The following VTI1A variants were observed in gnomAD, a reference collection of about 807,000 sequenced individuals.
VTI1A encodes vesicle transport through interaction with t-SNAREs homolog 1A.
In VTI1A, 22 loss-of-function variants were observed where a neutral mutation model predicts 34.9. That is an observed-to-expected ratio of 0.63 (90% CI 0.45 to 0.90). The LOEUF (loss-of-function observed/expected upper bound fraction) is 0.90, where lower values mean the gene tolerates loss of function less well. Among genes scored for constraint, VTI1A ranks in the 40% least tolerant of loss-of-function variants. The pLI, the probability that VTI1A is intolerant of heterozygous loss-of-function variation, is 0.00. For missense variants in VTI1A, 268 were observed against 275.6 expected (o/e 0.97, Z 0.20); for synonymous variants, 87 against 97.3 (o/e 0.89, Z 0.62).
At chr10:112,707,166 A>G (rs1849228808) in intron 7 of VTI1A, among the ~76,000 whole-genome samples, 1 of 151,862 alleles carries the variant, frequency 6.6e-6, no homozygotes, top group South Asian at 2.1e-4. Flanking sequence ...GAGGGGTTGT[A>G]TTTGTTTTTT....
intron 3 of VTI1A, among the ~76,000 whole-genome samples, chr10:112,512,066 T>C (rs1407065017): frequency 6.6e-6 from 1 of 152,170 alleles, no homozygotes; most frequent in Non-Finnish European, 1.5e-5. Flanking sequence ...TTCTTTTCCT[T>C]TGGGTAGATA....
At chr10:112,548,863 C>G in intron 5 of VTI1A, 2 of 1,418,386 alleles carry the variant, frequency 1.4e-6, no homozygotes, top group African/African-American at 1.4e-5. Flanking sequence ...TTTACCGGAA[C>G]GGTGATCAAT....
intron 4 of VTI1A, among the ~76,000 whole-genome samples, chr10:112,536,107 TA>T (rs1417778702): frequency 6.6e-6 from 1 of 152,238 alleles, no homozygotes; most frequent in Non-Finnish European, 1.5e-5. Flanking sequence ...TTTCCTACAT[TA>T]AATATTATTA....
chr10:112,593,565 G>A (rs147241913), intron 5 of VTI1A, among the ~76,000 whole-genome samples: 3 of 152,120 alleles, frequency 2.0e-5, no homozygotes, highest in Non-Finnish European at 4.4e-5. Context: ...TTTTCATATG[G>A]AAAGTTTAGG....
At chr10:112,712,474 TCACACACA>T (rs60129148) in intron 7 of VTI1A, among the ~76,000 whole-genome samples, 37 of 143,400 alleles carry the variant, frequency 2.6e-4, no homozygotes, top group South Asian at 7.0e-4. Flanking sequence ...TCAACTATTA[TCACACACA>T]CACACACACA....
intron 7 of VTI1A, among the ~76,000 whole-genome samples, chr10:112,733,290 A>G (rs1438055573): frequency 6.6e-6 from 1 of 152,132 alleles, no homozygotes; most frequent in Non-Finnish European, 1.5e-5. Context: ...TATAGCATGC[A>G]GTATATTTAC....
At chr10:112,750,638 G>A (rs1851068328) in intron 7 of VTI1A, among the ~76,000 whole-genome samples, 1 of 152,150 alleles carries the variant, frequency 6.6e-6, no homozygotes, top group South Asian at 2.1e-4. Flanking sequence ...TACTCCTACA[G>A]CCCAAACTAC....
intron 1 of VTI1A, among the ~76,000 whole-genome samples, chr10:112,457,241 A>G (rs1287203757): frequency 1.3e-5 from 2 of 152,212 alleles, no homozygotes; most frequent in African/African-American, 2.4e-5. Flanking sequence ...ATTAAATGGG[A>G]GAGGGGGCAG....
intron 7 of VTI1A, among the ~76,000 whole-genome samples, chr10:112,736,111 G>GTGTGTATA (rs778802494): frequency 2.6e-5 from 3 of 116,198 alleles, no homozygotes; most frequent in African/African-American, 1.1e-4. Flanking sequence ...ATGTGTGTGT[G>GTGTGTATA]TATATATATA....
chr10:112,703,977 T>G (rs1849104262), intron 7 of VTI1A, among the ~76,000 whole-genome samples: 1 of 152,258 alleles, frequency 6.6e-6, no homozygotes, highest in African/African-American at 2.4e-5. Context: ...TAATGTATTT[T>G]TTGATATATG....
chr10:112,488,231 A>G (rs900969978), intron 3 of VTI1A, among the ~76,000 whole-genome samples: 34 of 152,216 alleles, frequency 2.2e-4, no homozygotes, highest in Non-Finnish European at 4.4e-4. Context: ...ACTACATTAT[A>G]TGCTATTTTA....
intron 5 of VTI1A, among the ~76,000 whole-genome samples, chr10:112,603,387 G>C (rs997867762): frequency 1.2e-4 from 18 of 152,148 alleles, no homozygotes; most frequent in Admixed American, 1.0e-3. Flanking sequence ...GAGGTAGGAA[G>C]GGTTTTGTTT....
chr10:112,707,932 A>G (rs1042362049), intron 7 of VTI1A, among the ~76,000 whole-genome samples: 1 of 152,238 alleles, frequency 6.6e-6, no homozygotes, highest in Non-Finnish European at 1.5e-5. Flanking sequence ...AACATCAAAC[A>G]AAATTAGCAG....
intron 3 of VTI1A, among the ~76,000 whole-genome samples, chr10:112,502,432 G>A (rs1029503732): frequency 6.6e-6 from 1 of 151,996 alleles, no homozygotes; most frequent in African/African-American, 2.4e-5. Flanking sequence ...TTATACCTGT[G>A]ACCTTCCAGT....
chr10:112,447,783 TG>T (rs1846968349), intron 1 of VTI1A, among the ~76,000 whole-genome samples: 1 of 152,188 alleles, frequency 6.6e-6, no homozygotes, highest in Non-Finnish European at 1.5e-5. Flanking sequence ...ATTATAGACA[TG>T]TGAGTATTCA....
intron 7 of VTI1A, among the ~76,000 whole-genome samples, chr10:112,702,907 A>G (rs80227711): frequency 0.039 from 5,911 of 152,138 alleles, 389 homozygotes; most frequent in African/African-American, 0.14. Context: ...TTTAACCTCA[A>G]TAAATTATAT....
intron 3 of VTI1A, among the ~76,000 whole-genome samples, chr10:112,515,292 CAAAT>C (rs1849738656): frequency 6.6e-6 from 1 of 151,902 alleles, no homozygotes; most frequent in African/African-American, 2.4e-5. Flanking sequence ...GGATTCAACT[CAAAT>C]AAACATAATG....
chr10:112,593,706 A>C (rs7099088), intron 5 of VTI1A, among the ~76,000 whole-genome samples: 92,676 of 152,032 alleles, frequency 0.61, 28,668 homozygotes, highest in Non-Finnish European at 0.64. Context: ...GAACTCGTTT[A>C]TTCAGGATAT....
intron 4 of VTI1A, among the ~76,000 whole-genome samples, chr10:112,533,254 A>G (rs1490585025): frequency 6.6e-6 from 1 of 151,996 alleles, no homozygotes; most frequent in East Asian, 1.9e-4. Flanking sequence ...GTTCCCCTTT[A>G]TTTCATGATG....
Sources: gnomAD v4.1 joint callset for allele counts (sites outside exome capture counted in the v4.1 genomes callset) on GRCh38, gnomAD v4.1.1 for gene constraint, MANE v1.5 for transcripts, NCBI Gene and HGNC (gene_info 2026-07-23, HGNC 2026-07-21) for gene names.